PHGDH: variants seen among roughly 807,000 people sequenced by gnomAD.
PHGDH encodes D-3-phosphoglycerate dehydrogenase.
PHGDH carries 50 observed loss-of-function variants against 52.6 expected under a neutral mutation model. The ratio of observed to expected loss-of-function variants is 0.95; its 90% CI spans 0.76 to 1.20. The LOEUF (loss-of-function observed/expected upper bound fraction) is 1.20. Ranked by LOEUF, PHGDH falls within the 50% of genes most tolerant of loss-of-function variation. The probability of loss-of-function intolerance (pLI) is 0.00; values close to 1 mark genes in which losing one functional copy is unlikely to be tolerated. For missense variants in PHGDH, 630 were observed against 684.6 expected, an observed-to-expected ratio of 0.92 and a Z score of 0.89; for synonymous variants, 271 against 280.5, an observed-to-expected ratio of 0.97 and a Z score of 0.34.
rs1466749226 is a variant in PHGDH, at chr1:119,743,021, C to T, written c.1424C>T (p.Pro475Leu). 1 of 1,611,390 alleles carries T rather than the reference C, an allele frequency of 6.2e-7. No homozygotes were observed. Among genetic ancestry groups the T allele is most frequent in the Non-Finnish European group, 8.5e-7 (1 of 1,177,544 alleles). Residue 475 changes from proline (P) to leucine (L), a missense_variant, in exon 11 of 12, where the codon CCT (proline) becomes CTT (leucine). Pro to Leu is a moderately conservative substitution (Grantham distance 98). Transcript: ENST00000641023. ...CTATTCCGGACTCAGACCTCTGACC[C>T]TGCAATGCTGCCTACCATGATTGGT... ...LLLFRTQTSD[P>L]AMLPTMIGLL...
intron 7 of PHGDH, among the ~76,000 whole-genome samples, chr1:119,736,590 G>A (rs1651946291): frequency 1.3e-5 from 2 of 152,222 alleles, no homozygotes; most frequent in Non-Finnish European, 2.9e-5. Context: ...CTGTCCTGAT[G>A]AGAGCCAAGA....
At position 119,740,820 on chromosome 1, in the gene PHGDH, G is replaced by A. The variant is rs115519540; in HGVS notation, c.1078+302G>A. On this transcript the variant is annotated intron_variant, in intron 9 of 11. Transcript: ENST00000641023. ...GAGAGAGAGTTTCATGCGAGAGGTC[G>A]TAGGATGGCTGGAGGGAGGCCCTAA... 6.0e-3 allele frequency among the ~76,000 whole-genome samples: 913 copies of A among 152,276 alleles called. 4 individuals carry two copies. Among genetic ancestry groups the A allele is most frequent in the Non-Finnish European group, 9.7e-3 (658 of 68,008 alleles).
chr1:119,730,423 A>G (rs1426918589), intron 5 of PHGDH, among the ~76,000 whole-genome samples: 1 of 152,218 alleles, frequency 6.6e-6, no homozygotes, highest in Non-Finnish European at 1.5e-5. Context: ...ATACTTGATT[A>G]CCATCTGAAC....
At chr1:119,726,318 C>T (rs1651412525) in intron 3 of PHGDH, among the ~76,000 whole-genome samples, 1 of 151,986 alleles carries the variant, frequency 6.6e-6, no homozygotes, top group Non-Finnish European at 1.5e-5. Context: ...CTTTGGCATC[C>T]ACCCACCCAC....
intron 1 of PHGDH, among the ~76,000 whole-genome samples, chr1:119,714,834 T>C (rs1233860786): frequency 2.6e-5 from 4 of 152,330 alleles, no homozygotes; most frequent in Non-Finnish European, 5.9e-5. Flanking sequence ...GGAGGATCGC[T>C]TGAGCCTAGG....
In PHGDH at chr1:119,725,046, C is replaced by T. The variant is rs1245138899; in HGVS notation, c.356+1605C>T. On this transcript the variant is annotated intron_variant, in intron 3 of 11. Coordinates refer to ENST00000641023, the MANE Select transcript of PHGDH (RefSeq NM_006623.4). The stretch of plus-strand genomic sequence containing the variant: ...GCGTGGCTGGGCCTCACAGTAGGGA[C>T]TTTGAGCAGATGGCGGGGGCTCCTG... The T allele has an allele frequency of 5.1e-5, 23 of 454,664 alleles. No individual in the cohort carries two copies. In the East Asian group the frequency reaches 6.3e-4, roughly 12 times the overall value. The allele number at this position is 454,664 out of a possible 1,614,324, so 28.2% of individuals were successfully genotyped here.
chr1:119,721,049 T>A lies in PHGDH; in HGVS notation c.139-121T>A. 3 of 905,110 alleles carry A rather than the reference T, an allele frequency of 3.3e-6. No individual in the cohort carries two copies. The South Asian group carries it at 3.9e-5, about 12-fold the overall frequency. 56.1% of individuals were successfully genotyped at this position (905,110 alleles called of 1,614,324 possible). A position where few individuals can be genotyped will look rare whatever the true frequency, so the allele number is the denominator to read the frequency against. The stretch of plus-strand genomic sequence containing the variant: ...AAAGATATCTATGAACTGGCAGTCA[T>A]CAGTGACTTCCTAAGGTTCCGGAAA... On this transcript the variant is annotated intron_variant, in intron 1 of 11. Coordinates refer to ENST00000641023, the MANE Select transcript of PHGDH (RefSeq NM_006623.4).
chr1:119,717,944 C>G (rs1244421210), intron 1 of PHGDH, among the ~76,000 whole-genome samples: 1 of 152,156 alleles, frequency 6.6e-6, no homozygotes, highest in Non-Finnish European at 1.5e-5. Flanking sequence ...CTACCGGCCT[C>G]TCATCACTGA....
chr1:119,734,242 A>C, intron 5 of PHGDH: 1 of 321,434 alleles, frequency 3.1e-6, no homozygotes. Flanking sequence ...AGGACTTCCA[A>C]GCTCCACCTT....
chr1:119,724,704 T>G lies in PHGDH; in HGVS notation c.356+1263T>G, dbSNP rs988678677. ...GTAAGGGAAAAGATCTCAATGTGGC[T>G]TTCTGATTAATTACCTCACTTTTTT... On this transcript the variant is annotated intron_variant, in intron 3 of 11. Coordinates refer to ENST00000641023, the MANE Select transcript of PHGDH (RefSeq NM_006623.4). 5 of 447,518 alleles carry G rather than the reference T, an allele frequency of 1.1e-5. No individual in the cohort carries two copies. In the Admixed American group the frequency reaches 1.2e-4, roughly 11 times the overall value. The allele number at this position is 447,518 out of a possible 1,614,324, so 27.7% of individuals were successfully genotyped here.
At chr1:119,729,884 G>T (rs1651616852) in intron 5 of PHGDH, 1 of 152,188 alleles carries the variant, frequency 6.6e-6, no homozygotes, top group Non-Finnish European at 1.5e-5. Flanking sequence ...CCTTCACTTT[G>T]CATTTCTTCT....
intron 5 of PHGDH, among the ~76,000 whole-genome samples, chr1:119,730,453 A>G (rs1187190277): frequency 2.0e-5 from 3 of 152,214 alleles, no homozygotes; most frequent in African/African-American, 4.8e-5. Context: ...CTCACGGTAA[A>G]CATCAGTTTA....
At chr1:119,712,747 G>A (rs11583993) in intron 1 of PHGDH, 15,227 of 171,790 alleles carry the variant, frequency 0.089, 826 homozygotes, top group East Asian at 0.22. Flanking sequence ...GGGGCAGCTG[G>A]AGGGGAAGGC....
intron 1 of PHGDH, among the ~76,000 whole-genome samples, chr1:119,714,999 C>T (rs902178708): frequency 6.6e-6 from 1 of 152,182 alleles, no homozygotes; most frequent in African/African-American, 2.4e-5. Context: ...AATAATAAAG[C>T]ATCTTGTTTG....
rs1338175653 is a variant in PHGDH at position 119,737,175 on chromosome 1, G to C, written c.854G>C (p.Gly285Ala). 1.2e-6 allele frequency: 2 copies of C among 1,614,206 alleles called. No individual in the cohort carries two copies. Among genetic ancestry groups the C allele is most frequent in the South Asian group, 2.2e-5 (2 of 91,082 alleles). Residue 285 changes from glycine to alanine, a missense_variant, in exon 8 of 12, where the codon GGT becomes GCT. Physicochemically the swap from Gly to Ala is moderately conservative, Grantham distance 60 (BLOSUM62 0). Coordinates refer to ENST00000641023, the MANE Select transcript of PHGDH (RefSeq NM_006623.4). ...AATGTCATCAGCTGTCCCCACCTGG[G>C]TGCCAGCACCAAGGAGGCTCAGAGC... Reference protein sequence around the residue: ...HENVISCPHLGASTKEAQSRC... With the variant: ...HENVISCPHLAASTKEAQSRC...
intron 5 of PHGDH, among the ~76,000 whole-genome samples, chr1:119,733,995 G>T (rs762054149): frequency 3.9e-5 from 6 of 152,308 alleles, no homozygotes; most frequent in Middle Eastern, 3.4e-3. Flanking sequence ...GTGACTGGGG[G>T]AGGACACAGG....
At chr1:119,737,414 G>C (rs978767037) in intron 8 of PHGDH, 148 bp downstream of exon 8, 1 of 714,228 alleles carries the variant, frequency 1.4e-6, no homozygotes, top group African/African-American at 1.8e-5. Context: ...AGCACTCTCC[G>C]GAGCAGGTGG....
chr1:119,742,252 C>T (rs927926975), intron 10 of PHGDH: 2 of 385,338 alleles, frequency 5.2e-6, no homozygotes, highest in Non-Finnish European at 9.8e-6. Context: ...TGCCGTAGCA[C>T]CCGGGTTCTT....
intron 5 of PHGDH, 173 bp downstream of exon 5, chr1:119,727,275 C>T: frequency 1.5e-6 from 1 of 651,176 alleles, no homozygotes; most frequent in African/African-American, 1.8e-5. Flanking sequence ...GCCTGCTGAT[C>T]TGGACTCAAA....
Sources: allele counts gnomAD v4.1 joint callset (sites outside exome capture counted in the v4.1 genomes callset), GRCh38; gene constraint gnomAD v4.1.1; transcripts MANE v1.5; gene names NCBI Gene and HGNC (gene_info 2026-07-23, HGNC 2026-07-21).